Variants in DOCK4 observed in about 807,000 individuals in gnomAD.
The protein encoded by DOCK4 is dedicator of cytokinesis 4.
A neutral mutation model predicts 268.1 loss-of-function variants in DOCK4; 97 were observed. The ratio of observed to expected loss-of-function variants is 0.36; its 90% CI spans 0.31 to 0.43. DOCK4 has a LOEUF of 0.43. DOCK4 is among the 20% of genes least tolerant of loss of function. The probability of loss-of-function intolerance (pLI) is 1.00; values close to 1 mark genes in which losing one functional copy is unlikely to be tolerated. For synonymous variants in DOCK4, 954 were observed against 887.2 expected, an observed-to-expected ratio of 1.08 and a Z score of -1.34; for missense variants, 2,145 against 2,455.7, an observed-to-expected ratio of 0.87 and a Z score of 2.67.
At chr7:112,100,934 C>A (rs1406973018) in intron 1 of DOCK4, among the ~76,000 whole-genome samples, 2 of 152,104 alleles carry the variant, frequency 1.3e-5, no homozygotes, top group Non-Finnish European at 2.9e-5. Context: ...GGGTTATATT[C>A]CAAACTCTGA....
chr7:112,175,380 A>C (rs1156976890), intron 1 of DOCK4, among the ~76,000 whole-genome samples: 1 of 152,172 alleles, frequency 6.6e-6, no homozygotes, highest in Non-Finnish European at 1.5e-5. Flanking sequence ...GTGTAATAGA[A>C]ATTTTTCCCT....
intron 23 of DOCK4, among the ~76,000 whole-genome samples, chr7:111,853,108 C>T (rs1176806395): frequency 6.6e-6 from 1 of 152,208 alleles, no homozygotes; most frequent in Admixed American, 6.5e-5. Flanking sequence ...GTAATCCCCA[C>T]TGGACACGGG....
At chr7:112,168,720 A>G (rs1817822197) in intron 1 of DOCK4, among the ~76,000 whole-genome samples, 1 of 152,068 alleles carries the variant, frequency 6.6e-6, no homozygotes, top group Non-Finnish European at 1.5e-5. Flanking sequence ...CTCAAAAAAC[A>G]TAGAGTTAAG....
chr7:111,726,130 T>G lies in DOCK4; in HGVS notation c.*2144A>C, dbSNP rs1031894016. The G allele has an allele frequency of 5.2e-5, 8 of 152,592 alleles. No individual in the cohort carries two copies. Among genetic ancestry groups the G allele is most frequent in the African/African-American group, 1.9e-4 (8 of 41,460 alleles). The allele number at this position is 152,592 out of a possible 1,614,324, so 9.5% of individuals were successfully genotyped here. A position where few individuals can be genotyped will look rare whatever the true frequency, so the allele number is the denominator to read the frequency against. The stretch of plus-strand genomic sequence containing the variant: ...AAATATTAAGATTAATCTGGTAATT[T>G]TATTTAATATTTACCATTCAGCAGC... On this transcript the variant is annotated 3_prime_UTR_variant, in exon 53 of 53. Coordinates refer to ENST00000428084, the MANE Select transcript of DOCK4 (RefSeq NM_001363540.2).
chr7:112,035,133 T>C (rs575097531), intron 1 of DOCK4, among the ~76,000 whole-genome samples: 166 of 152,186 alleles, frequency 1.1e-3, no homozygotes, highest in African/African-American at 3.6e-3. Context: ...AAGCACTGCA[T>C]TGAAGCTAAC....
At chr7:111,818,085 TAGGCTGCTCTTTTTC>T (rs1248093577) in intron 27 of DOCK4, among the ~76,000 whole-genome samples, 2 of 152,228 alleles carry the variant, frequency 1.3e-5, no homozygotes, top group Admixed American at 6.5e-5. Flanking sequence ...TCTTACATCA[TAGGCTGCTCTTTTTC>T]AGTCTTCTTC....
At chr7:111,931,564 C>A (rs1794202481) in intron 12 of DOCK4, among the ~76,000 whole-genome samples, 1 of 152,024 alleles carries the variant, frequency 6.6e-6, no homozygotes, top group Admixed American at 6.5e-5. Flanking sequence ...TTAAAAGAAA[C>A]CAGGAAGAGA....
chr7:112,022,230 C>T (rs1039854094), intron 1 of DOCK4, among the ~76,000 whole-genome samples: 5 of 152,194 alleles, frequency 3.3e-5, no homozygotes, highest in African/African-American at 1.2e-4. Flanking sequence ...GACTGGATAC[C>T]ACTCTATGTA....
intron 8 of DOCK4, among the ~76,000 whole-genome samples, chr7:111,966,056 A>G (rs1282193850): frequency 2.5e-5 from 1 of 40,360 alleles, no homozygotes; most frequent in Non-Finnish European, 3.9e-5. Flanking sequence ...CATTCAAAGC[A>G]GTGTGTAGAG....
intron 1 of DOCK4, among the ~76,000 whole-genome samples, chr7:112,149,790 C>T (rs1306279483): frequency 6.6e-6 from 1 of 152,186 alleles, no homozygotes; most frequent in African/African-American, 2.4e-5. Flanking sequence ...GCCAAAGCAC[C>T]TGATATGCTT....
At chr7:111,909,762 G>A (rs1791934405) in intron 13 of DOCK4, among the ~76,000 whole-genome samples, 1 of 151,926 alleles carries the variant, frequency 6.6e-6, no homozygotes, top group Admixed American at 6.6e-5. Flanking sequence ...GAGTGTTCAA[G>A]ACCAGCCTGG....
intron 1 of DOCK4, among the ~76,000 whole-genome samples, chr7:112,147,529 A>C (rs1242271160): frequency 6.6e-6 from 1 of 152,136 alleles, no homozygotes; most frequent in Non-Finnish European, 1.5e-5. Context: ...TTTATTTTGA[A>C]ATTGTTTTCA....
In DOCK4 at chr7:111,743,488, A is replaced by G. The variant is rs186801147; in HGVS notation, c.4678-1356T>C. On this transcript the variant is annotated intron_variant, in intron 44 of 52. Transcript: ENST00000428084. ...AAGGCACACTTGGAGTGCAGTGTGT[A>G]TGAGGCATAAAGGGAGAGGCTACAT... Among the ~76,000 whole-genome samples the G allele has an allele frequency of 3.4e-3, 518 of 152,288 alleles. 2 individuals carry two copies. Among genetic ancestry groups the G allele is most frequent in the South Asian group, 6.8e-3 (33 of 4,826 alleles).
Position 111,861,614 on chromosome 7 carries a change from T to C in DOCK4, c.2473+1758A>G, listed in dbSNP as rs141668127. 9.4e-3 allele frequency among the ~76,000 whole-genome samples: 1,423 copies of C among 151,738 alleles called. 27 individuals carry two copies. Among genetic ancestry groups the C allele is most frequent in the African/African-American group, 0.033 (1,368 of 41,398 alleles). The stretch of plus-strand genomic sequence containing the variant: ...TACAAAAATTAGCCAGGCATGATGG[T>C]GGGTGCCTATAATCCCAGCTACTCA... On this transcript the variant is annotated intron_variant, in intron 23 of 52. Coordinates refer to ENST00000428084, the MANE Select transcript of DOCK4 (RefSeq NM_001363540.2).
At position 112,067,937 on chromosome 7, in the gene DOCK4, G is replaced by A. The variant is rs115503211; in HGVS notation, c.38-63806C>T. On this transcript the variant is annotated intron_variant, in intron 1 of 52. Coordinates refer to ENST00000428084, the MANE Select transcript of DOCK4 (RefSeq NM_001363540.2). ...TATTGAATAACTTAGACTGCAGGGCGACTACGTCCAATCCCAGACCATTAA... is the reference window on the plus strand; with the variant it reads ...TATTGAATAACTTAGACTGCAGGGCAACTACGTCCAATCCCAGACCATTAA... Among the ~76,000 whole-genome samples, 316 of 152,266 alleles carry A rather than the reference G, an allele frequency of 2.1e-3. 1 individual carries two copies. The highest frequency in any genetic ancestry group is 7.1e-3 in the African/African-American group (296 of 41,558).
intron 30 of DOCK4, among the ~76,000 whole-genome samples, chr7:111,803,125 A>G (rs573391627): frequency 6.6e-6 from 1 of 152,320 alleles, no homozygotes; most frequent in South Asian, 2.1e-4. Context: ...AGGTCCATAT[A>G]CTACATTCTG....
chr7:111,919,074 G>A (rs1792871800), intron 12 of DOCK4, among the ~76,000 whole-genome samples: 1 of 151,854 alleles, frequency 6.6e-6, no homozygotes, highest in South Asian at 2.1e-4. Flanking sequence ...TGCCCTATAG[G>A]AGCCAGCATT....
At chr7:112,122,098 G>A (rs1004365549) in intron 1 of DOCK4, among the ~76,000 whole-genome samples, 1 of 151,932 alleles carries the variant, frequency 6.6e-6, no homozygotes, top group Non-Finnish European at 1.5e-5. Context: ...ATTCTCATTT[G>A]CCATTGCTAA....
In DOCK4 at chr7:112,196,434, C is replaced by G. The variant is rs74647224; in HGVS notation, c.37+9668G>C. The stretch of plus-strand genomic sequence containing the variant: ...ACAAAATCACTGTCCTTATGAAGAC[C>G]ACAGTACACTTCTCAATGGTGAAGT... On this transcript the variant is annotated intron_variant, in intron 1 of 52. Transcript: ENST00000428084. Among the ~76,000 whole-genome samples, 49 of 152,278 alleles carry G rather than the reference C, an allele frequency of 3.2e-4. 1 individual carries two copies. The East Asian group carries it at 9.3e-3, about 29-fold the overall frequency.
Sources: gnomAD v4.1 joint callset for allele counts (sites outside exome capture counted in the v4.1 genomes callset) on GRCh38, gnomAD v4.1.1 for gene constraint, MANE v1.5 for transcripts, NCBI Gene and HGNC (gene_info 2026-07-23, HGNC 2026-07-21) for gene names.